UNC5C: variants seen among roughly 807,000 people sequenced by gnomAD.
The protein encoded by UNC5C is netrin receptor UNC5C.
Under a neutral mutation model 99.8 loss-of-function variants are expected in UNC5C, and 47 were observed. The ratio of observed to expected loss-of-function variants is 0.47; its 90% CI spans 0.37 to 0.60. The LOEUF (loss-of-function observed/expected upper bound fraction) is 0.60, where lower values mean the gene tolerates loss of function less well. Among genes scored for constraint, UNC5C ranks in the 20% least tolerant of loss-of-function variants. The pLI, the probability that UNC5C is intolerant of heterozygous loss-of-function variation, is 0.00. For synonymous variants in UNC5C, 487 were observed against 452.2 expected, an observed-to-expected ratio of 1.08 and a Z score of -0.98; for missense variants, 1,062 against 1,165.9, an observed-to-expected ratio of 0.91 and a Z score of 1.30.
chr4:95,191,675 C>T lies in UNC5C; in HGVS notation c.2137-6479G>A, dbSNP rs149690948. 4.7e-3 allele frequency among the ~76,000 whole-genome samples: 703 copies of T among 151,096 alleles called. 5 individuals carry two copies. The highest frequency in any genetic ancestry group is 0.016 in the African/African-American group (660 of 41,118). On this transcript the variant is annotated intron_variant, in intron 12 of 15. Coordinates refer to ENST00000453304, the MANE Select transcript of UNC5C (RefSeq NM_003728.4). ...CTCTGTTCGCCGCCTCCTCTGTTCACTCTCCTCCCCAATCACCTCCTCCCC... is the reference window on the plus strand; with the variant it reads ...CTCTGTTCGCCGCCTCCTCTGTTCATTCTCCTCCCCAATCACCTCCTCCCC...
Position 95,333,757 on chromosome 4 carries a change from C to T in UNC5C, c.346+1653G>A, listed in dbSNP as rs1208193608. ...GAATAGTTTTGTTTCTATTTATAAT[C>T]TTCCTATATAGGCATGTCATTATTT... On this transcript the variant is annotated intron_variant, in intron 2 of 15. Transcript: ENST00000453304. Among the ~76,000 whole-genome samples, 4 of 152,102 alleles carry T rather than the reference C, an allele frequency of 2.6e-5. No individual in the cohort carries two copies. In the East Asian group the frequency reaches 7.7e-4, roughly 29 times the overall value.
intron 7 of UNC5C, among the ~76,000 whole-genome samples, chr4:95,239,479 C>T (rs1739249604): frequency 6.6e-6 from 1 of 152,148 alleles, no homozygotes; most frequent in African/African-American, 2.4e-5. Context: ...AAAGCCAGGA[C>T]TTCTTCTCTG....
chr4:95,172,589 A>G (rs997323882), intron 14 of UNC5C, among the ~76,000 whole-genome samples: 234 of 151,658 alleles, frequency 1.5e-3, no homozygotes, highest in African/African-American at 5.2e-3. Flanking sequence ...GTTCTGTTCC[A>G]TTGGTCTATA....
rs771787598 is a variant in UNC5C at position 95,548,836 on chromosome 4, T to C, written c.22A>G (p.Thr8Ala). ...AGTCCCAGTCCGCAGCGGGCCGCTGTCGCCCGCAGACCTTTCCTCATCGTA... is the reference window on the plus strand; with the variant it reads ...AGTCCCAGTCCGCAGCGGGCCGCTGCCGCCCGCAGACCTTTCCTCATCGTA... MRKGLRA[T>A]AARCGLGLGY... Residue 8 changes from threonine to alanine, a missense_variant, in exon 1 of 16, where the codon ACA becomes GCA. Physicochemically the swap from Thr to Ala is moderately conservative, Grantham distance 58. Coordinates refer to ENST00000453304, the MANE Select transcript of UNC5C (RefSeq NM_003728.4). 6.2e-7 allele frequency: 1 copy of C among 1,612,846 alleles called. No homozygotes were observed.
At chr4:95,330,638 C>T (rs1232578919) in intron 2 of UNC5C, among the ~76,000 whole-genome samples, 2 of 151,874 alleles carry the variant, frequency 1.3e-5, no homozygotes, top group Non-Finnish European at 2.9e-5. Flanking sequence ...TTTTAAAATG[C>T]ATACATTTTC....
chr4:95,491,163 TGAG>T (rs1185948564), intron 1 of UNC5C, among the ~76,000 whole-genome samples: 1 of 151,586 alleles, frequency 6.6e-6, no homozygotes, highest in Non-Finnish European at 1.5e-5. Flanking sequence ...TGGGTATATA[TGAG>T]AACTTTGCAT....
intron 6 of UNC5C, among the ~76,000 whole-genome samples, chr4:95,244,772 C>T (rs1681824475): frequency 6.6e-6 from 1 of 152,058 alleles, no homozygotes; most frequent in African/African-American, 2.4e-5. Flanking sequence ...CTGTTTTGTA[C>T]AATTTTGCAT....
intron 2 of UNC5C, among the ~76,000 whole-genome samples, chr4:95,302,351 A>G (rs1560777221): frequency 2.0e-5 from 3 of 152,384 alleles, no homozygotes; most frequent in East Asian, 3.9e-4. Context: ...TAATTGTAAT[A>G]TACTAAAACC....
At chr4:95,546,257 TC>T (rs763052602) in intron 1 of UNC5C, among the ~76,000 whole-genome samples, 38 of 152,130 alleles carry the variant, frequency 2.5e-4, no homozygotes, top group Non-Finnish European at 4.9e-4. Context: ...AGTGTTCTAG[TC>T]CAAGGAAAGG....
intron 1 of UNC5C, among the ~76,000 whole-genome samples, chr4:95,530,068 TAA>T (rs1722603389): frequency 6.6e-6 from 1 of 152,190 alleles, no homozygotes; most frequent in African/African-American, 2.4e-5. Flanking sequence ...AAGTGTGACT[TAA>T]GTTTATTTTT....
At chr4:95,521,338 C>T (rs981750022) in intron 1 of UNC5C, among the ~76,000 whole-genome samples, 6 of 151,448 alleles carry the variant, frequency 4.0e-5, no homozygotes, top group African/African-American at 1.5e-4. Flanking sequence ...CCTGCCTTAG[C>T]CTTCCGAGTA....
intron 4 of UNC5C, among the ~76,000 whole-genome samples, chr4:95,258,988 C>G (rs889462463): frequency 6.6e-6 from 1 of 151,376 alleles, no homozygotes; most frequent in East Asian, 2.0e-4. Context: ...GTCTCGATCT[C>G]CTGACCTCAT....
Position 95,244,972 on chromosome 4 carries a change from T to C in UNC5C, c.943+5A>G. On this transcript the variant is annotated splice_donor_5th_base_variant and intron_variant, in intron 6 of 15. Transcript: ENST00000453304. ...TACTTGGAATGAGAGGACTGGTTTA[T>C]TTACCTGGGCATAACGTAGTACAGG... is the stretch of plus-strand genomic sequence containing the variant. 1 of 1,613,738 alleles carries C rather than the reference T, an allele frequency of 6.2e-7. No individual in the cohort carries two copies. Among genetic ancestry groups the C allele is most frequent in the South Asian group, 1.1e-5 (1 of 90,948 alleles).
chr4:95,408,139 T>C lies in UNC5C; in HGVS notation c.125-72508A>G, dbSNP rs369174522. 1.2e-4 allele frequency among the ~76,000 whole-genome samples: 18 copies of C among 152,326 alleles called. No homozygotes were observed. In the East Asian group the frequency reaches 2.5e-3, roughly 21 times the overall value. On this transcript the variant is annotated intron_variant, in intron 1 of 15. Transcript: ENST00000453304. ...TAAATACATTCATTTTAAAATAAAT[T>C]GTTAATTCAATAAAGACTTCAAAGC...
chr4:95,426,643 C>T (rs578080407), intron 1 of UNC5C, among the ~76,000 whole-genome samples: 4 of 152,100 alleles, frequency 2.6e-5, no homozygotes, highest in Admixed American at 6.5e-5. Flanking sequence ...AGTGAACACA[C>T]GAATGAAAAG....
At chr4:95,365,642 A>G (rs2626035) in intron 1 of UNC5C, among the ~76,000 whole-genome samples, 94,593 of 151,826 alleles carry the variant, frequency 0.62, 31,137 homozygotes, top group African/African-American at 0.84. Context: ...CAAATGTGTC[A>G]AAGTGCCAAT....
chr4:95,305,100 T>C (rs931526785), intron 2 of UNC5C, among the ~76,000 whole-genome samples: 26 of 152,228 alleles, frequency 1.7e-4, no homozygotes, highest in African/African-American at 6.3e-4. Flanking sequence ...GATTTTTGTA[T>C]TCAGCTTCAC....
At position 95,540,119 on chromosome 4, in the gene UNC5C, A is replaced by C. The variant is rs142439311; in HGVS notation, c.124+8615T>G. Among the ~76,000 whole-genome samples, 729 of 152,284 alleles carry C rather than the reference A, an allele frequency of 4.8e-3. 4 individuals are homozygous for C. Among genetic ancestry groups the C allele is most frequent in the African/African-American group, 0.017 (699 of 41,560 alleles). ...GGATACTAGTATAGCACTGATTTAA[A>C]TCTAGATTTCTCAAACAAGCACATC... is the stretch of plus-strand genomic sequence containing the variant. On this transcript the variant is annotated intron_variant, in intron 1 of 15. Transcript: ENST00000453304.
chr4:95,301,570 T>A (rs552706350), intron 3 of UNC5C, 36 bp downstream of exon 3: 1 of 1,612,794 alleles, frequency 6.2e-7, no homozygotes, highest in African/African-American at 1.3e-5. Context: ...TGTATCAACT[T>A]CTGAGACCCA....
Sources: gnomAD v4.1 joint callset for allele counts (sites outside exome capture counted in the v4.1 genomes callset) on GRCh38, gnomAD v4.1.1 for gene constraint, MANE v1.5 for transcripts, NCBI Gene and HGNC (gene_info 2026-07-23, HGNC 2026-07-21) for gene names.